The following ARHGAP5 variants were observed in gnomAD, a reference collection of about 807,000 sequenced individuals.
The protein encoded by ARHGAP5 is rho GTPase-activating protein 5.
ARHGAP5 carries 23 observed loss-of-function variants against 116.6 expected under a neutral mutation model. The observed-to-expected ratio is 0.20, with a 90% CI of 0.14 to 0.28. The LOEUF is 0.28. Among genes scored for constraint, ARHGAP5 ranks in the 10% least tolerant of loss-of-function variants. The pLI is 1.00. For missense variants in ARHGAP5, 1,405 were observed against 1,774.8 expected, an observed-to-expected ratio of 0.79 and a Z score of 3.74; for synonymous variants, 574 against 602.0, an observed-to-expected ratio of 0.95 and a Z score of 0.68.
chr14:32,117,540 C>G (rs1194908267), intron 3 of ARHGAP5, among the ~76,000 whole-genome samples: 1 of 152,064 alleles, frequency 6.6e-6, no homozygotes. Flanking sequence ...TTACCTTATT[C>G]TGGAATTTAG....
Position 32,117,224 on chromosome 14 carries a change from G to T in ARHGAP5, c.3802G>T (p.Val1268Phe), listed in dbSNP as rs61731183. 7 of 1,611,752 alleles carry T rather than the reference G, an allele frequency of 4.3e-6. No individual in the cohort carries two copies. Among genetic ancestry groups the T allele is most frequent in the Non-Finnish European group, 5.9e-6 (7 of 1,178,562 alleles). The part of the protein sequence containing the change: ...NYFGMPLQDL[V>F]TAEKPIPLFV... ...CTTTGGGATGCCCCTCCAGGATCTG[G>T]TTACAGCTGAGAAGCCCATACCACT... is the stretch of plus-strand genomic sequence containing the variant. Residue 1268 changes from valine to phenylalanine, a missense_variant, in exon 3 of 7, where the codon GTT becomes TTT. Physicochemically the swap from Val to Phe is conservative, Grantham distance 50. Transcript: ENST00000345122.
chr14:32,138,956 T>C (rs1326040553), intron 3 of ARHGAP5, among the ~76,000 whole-genome samples: 1 of 152,162 alleles, frequency 6.6e-6, no homozygotes, highest in East Asian at 1.9e-4. Flanking sequence ...ATTGAGATGA[T>C]CATATGGTTC....
At chr14:32,107,704 G>C (rs1379186823) in intron 2 of ARHGAP5, among the ~76,000 whole-genome samples, 3 of 152,196 alleles carry the variant, frequency 2.0e-5, no homozygotes, top group Non-Finnish European at 4.4e-5. Flanking sequence ...CAAAGACTAA[G>C]GGTGAAAGGA....
chr14:32,140,447 T>C (rs1279290768), intron 3 of ARHGAP5, among the ~76,000 whole-genome samples: 3 of 148,296 alleles, frequency 2.0e-5, no homozygotes, highest in Non-Finnish European at 4.5e-5. Flanking sequence ...ATTAGCCAGG[T>C]GTGTTGGCGG....
intron 1 of ARHGAP5, among the ~76,000 whole-genome samples, chr14:32,088,668 T>G (rs554936929): frequency 4.6e-5 from 7 of 152,168 alleles, no homozygotes; most frequent in African/African-American, 1.7e-4. Context: ...TTAATAGGAT[T>G]GAACGGGACT....
At chr14:32,117,456 T>G (rs1260036599) in intron 3 of ARHGAP5, among the ~76,000 whole-genome samples, 169 bp downstream of exon 3, 1 of 152,236 alleles carries the variant, frequency 6.6e-6, no homozygotes, top group Non-Finnish European at 1.5e-5. Flanking sequence ...AAGTTTTTGT[T>G]GTTGACCAGT....
At chr14:32,080,390 A>G (rs1386502582) in intron 1 of ARHGAP5, among the ~76,000 whole-genome samples, 2 of 151,668 alleles carry the variant, frequency 1.3e-5, no homozygotes, top group African/African-American at 2.4e-5. Context: ...CTGGGTAACA[A>G]CAAACCCCCT....
At chr14:32,082,567 A>G (rs2041788184) in intron 1 of ARHGAP5, among the ~76,000 whole-genome samples, 1 of 151,160 alleles carries the variant, frequency 6.6e-6, no homozygotes, top group South Asian at 2.1e-4. Context: ...TTTTTTTGAG[A>G]TGGGGTCTTG....
Position 32,091,644 on chromosome 14 carries a change from A to T in ARHGAP5, c.975A>T (p.Gln325His). The change falls in exon 2 of 7, where the codon CAA (glutamine) becomes CAT (histidine). Residue 325 changes from glutamine to histidine, a missense_variant. Physicochemically the swap from Gln to His is conservative, Grantham distance 24 (BLOSUM62 0). Coordinates refer to ENST00000345122, the MANE Select transcript of ARHGAP5 (RefSeq NM_001030055.2). ...ARNTFSKHIE[Q>H]LKQEHIRKRR... ...ATACATTCTCAAAACATATAGAACA[A>T]CTTAAACAGGAACATATAAGAAAAA... The T allele has an allele frequency of 6.2e-7, 1 of 1,611,710 alleles. No individual in the cohort carries two copies. The highest frequency in any genetic ancestry group is 8.5e-7 in the Non-Finnish European group (1 of 1,178,876).
chr14:32,133,068 G>C (rs1163470421), intron 3 of ARHGAP5, among the ~76,000 whole-genome samples: 2 of 152,186 alleles, frequency 1.3e-5, no homozygotes, highest in African/African-American at 2.4e-5. Flanking sequence ...TGGCGATGCA[G>C]GCTCTTTTTT....
At chr14:32,122,170 A>C (rs28765407) in intron 3 of ARHGAP5, among the ~76,000 whole-genome samples, 5,567 of 152,236 alleles carry the variant, frequency 0.037, 317 homozygotes, top group African/African-American at 0.12. Flanking sequence ...ATTTCTCCAC[A>C]TTTTGCCAAT....
intron 4 of ARHGAP5, among the ~76,000 whole-genome samples, chr14:32,149,556 G>C (rs1881547186): frequency 6.6e-6 from 1 of 151,852 alleles, no homozygotes; most frequent in East Asian, 1.9e-4. Flanking sequence ...GATCACCTGA[G>C]GGTCAGGAGT....
intron 6 of ARHGAP5, among the ~76,000 whole-genome samples, chr14:32,153,288 C>G (rs1881730819): frequency 1.3e-5 from 2 of 149,080 alleles, no homozygotes; most frequent in Admixed American, 6.7e-5. Flanking sequence ...CATCTGTAAT[C>G]CTAGCTACTC....
chr14:32,112,689 G>A (rs1879373684), intron 2 of ARHGAP5, among the ~76,000 whole-genome samples: 1 of 152,092 alleles, frequency 6.6e-6, no homozygotes, highest in Non-Finnish European at 1.5e-5. Context: ...TGGCTAACGT[G>A]GTGAAACCCT....
chr14:32,118,731 C>T (rs756854813), intron 3 of ARHGAP5, among the ~76,000 whole-genome samples: 43 of 152,134 alleles, frequency 2.8e-4, no homozygotes, highest in Non-Finnish European at 5.1e-4. Flanking sequence ...AAAATATTAG[C>T]TTCCTGCTTT....
At position 32,136,474 on chromosome 14, in the gene ARHGAP5, A is replaced by G. The variant is rs1235656384; in HGVS notation, c.3866-9789A>G. Among the ~76,000 whole-genome samples, 3 of 152,206 alleles carry G rather than the reference A, an allele frequency of 2.0e-5. No individual in the cohort carries two copies. In the East Asian group the frequency reaches 5.8e-4, roughly 29 times the overall value. ...TTTCTTTTTATGATTTATAAATTCC[A>G]TTATATAGCTATATCACATTTAGCC... On this transcript the variant is annotated intron_variant, in intron 3 of 6. Transcript: ENST00000345122.
At chr14:32,152,681 A>T (rs1345324500) in intron 6 of ARHGAP5, among the ~76,000 whole-genome samples, 153 bp downstream of exon 6, 1 of 152,230 alleles carries the variant, frequency 6.6e-6, no homozygotes, top group Admixed American at 6.5e-5. Flanking sequence ...ATCTAAAAAG[A>T]TATATGATTA....
intron 3 of ARHGAP5, among the ~76,000 whole-genome samples, chr14:32,141,406 G>A (rs2139129067): frequency 6.6e-6 from 1 of 152,264 alleles, no homozygotes; most frequent in Middle Eastern, 3.4e-3. Context: ...CTCCTTTACA[G>A]CTTCATTTCC....
At chr14:32,125,257 C>T (rs1880087974) in intron 3 of ARHGAP5, among the ~76,000 whole-genome samples, 1 of 152,176 alleles carries the variant, frequency 6.6e-6, no homozygotes, top group Non-Finnish European at 1.5e-5. Context: ...TCAGTAGAAT[C>T]ACACAATGTA....
Sources: allele counts gnomAD v4.1 joint callset (sites outside exome capture counted in the v4.1 genomes callset), GRCh38; gene constraint gnomAD v4.1.1; transcripts MANE v1.5; gene names NCBI Gene and HGNC (gene_info 2026-07-23, HGNC 2026-07-21).